ANKRD28: variants seen among roughly 807,000 people sequenced by gnomAD.
ANKRD28 encodes ankyrin repeat domain 28.
In ANKRD28, 44 loss-of-function variants were observed where a neutral mutation model predicts 126.5. The observed-to-expected ratio is 0.35, with a 90% CI of 0.27 to 0.45. ANKRD28 has a LOEUF of 0.45. Among genes scored for constraint, ANKRD28 ranks in the 20% least tolerant of loss-of-function variants. ANKRD28 has a pLI of 1.00. For missense variants in ANKRD28, 1,110 were observed against 1,316.6 expected (o/e 0.84, Z 2.43); for synonymous variants, 442 against 468.5 (o/e 0.94, Z 0.73).
intron 8 of ANKRD28, among the ~76,000 whole-genome samples, chr3:15,718,624 T>C (rs938527675): frequency 6.6e-6 from 1 of 151,780 alleles, no homozygotes; most frequent in Non-Finnish European, 1.5e-5. Flanking sequence ...CATGCCAAAA[T>C]GGCAGTGCAT....
chr3:15,792,035 T>G (rs531426228), intron 2 of ANKRD28, among the ~76,000 whole-genome samples: 1 of 152,290 alleles, frequency 6.6e-6, no homozygotes, highest in African/African-American at 2.4e-5. Context: ...AGATATCATC[T>G]TGTCCCAGTT....
chr3:15,721,803 G>A (rs966352304), intron 7 of ANKRD28, among the ~76,000 whole-genome samples: 8 of 152,192 alleles, frequency 5.3e-5, no homozygotes, highest in African/African-American at 1.9e-4. Context: ...GGAGTTGAGT[G>A]GCACGATCTC....
At chr3:15,819,389 G>A (rs1041804311) in intron 1 of ANKRD28, among the ~76,000 whole-genome samples, 44 of 152,234 alleles carry the variant, frequency 2.9e-4, no homozygotes, top group African/African-American at 1.1e-3. Flanking sequence ...ATAGTCAACT[G>A]ATTTCTGACA....
intron 2 of ANKRD28, among the ~76,000 whole-genome samples, chr3:15,767,700 T>TAAAAAAAA (rs57072807): frequency 1.4e-4 from 9 of 64,364 alleles, no homozygotes; most frequent in African/African-American, 4.6e-4. Context: ...TAGTCTCTAC[T>TAAAAAAAA]AAAAAAAAAA....
intron 6 of ANKRD28, chr3:15,731,865 AAAAAAAAAAGG>A (rs1481004494): frequency 4.8e-5 from 6 of 124,446 alleles, no homozygotes; most frequent in South Asian, 3.4e-4. Flanking sequence ...AAAAAAAAAA[AAAAAAAAAAGG>A]GGGGGGGGGT....
intron 1 of ANKRD28, among the ~76,000 whole-genome samples, chr3:15,848,499 A>G (rs1201664232): frequency 6.6e-6 from 1 of 151,976 alleles, no homozygotes; most frequent in Non-Finnish European, 1.5e-5. Context: ...ACAGAGGGAG[A>G]CCCATCTCTA....
chr3:15,674,843 C>G (rs899393680), intron 27 of ANKRD28, among the ~76,000 whole-genome samples: 4 of 152,268 alleles, frequency 2.6e-5, no homozygotes, highest in South Asian at 2.1e-4. Flanking sequence ...GTGCCAAAAG[C>G]TGATCTATCA....
intron 4 of ANKRD28, among the ~76,000 whole-genome samples, chr3:15,741,047 A>T (rs141269783): frequency 2.6e-4 from 39 of 152,180 alleles, no homozygotes; most frequent in African/African-American, 9.4e-4. Context: ...AAATATACAA[A>T]AATTAGCCAG....
At chr3:15,850,207 AT>A (rs1407998538) in intron 1 of ANKRD28, among the ~76,000 whole-genome samples, 24 of 51,656 alleles carry the variant, frequency 4.6e-4, no homozygotes, top group African/African-American at 1.3e-3. Flanking sequence ...AAAAAAAAAT[AT>A]ATATATATAT....
At position 15,797,616 on chromosome 3, in the gene ANKRD28, T is replaced by C; in HGVS notation, c.-1095A>G. The C allele has an allele frequency of 1.0e-6, 1 of 985,174 alleles. No individual in the cohort carries two copies. The highest frequency in any genetic ancestry group is 1.2e-6 in the Non-Finnish European group (1 of 829,882). 61.0% of individuals were successfully genotyped at this position (985,174 alleles called of 1,614,324 possible). A position where few individuals can be genotyped will look rare whatever the true frequency, so the allele number is the denominator to read the frequency against. On this transcript the variant is annotated 5_prime_UTR_variant, in exon 1 of 28. Coordinates refer to ENST00000683139, the MANE Select transcript of ANKRD28 (RefSeq NM_001349278.2). ...TGTATCATTCCAGTGTTTCCTTTGA[T>C]CTCCACATGAATACAGCTTCCATTA...
At position 15,766,363 on chromosome 3, in the gene ANKRD28, T is replaced by C. The variant is rs191877588; in HGVS notation, c.202-51A>G. 5.2e-3 allele frequency: 7,021 copies of C among 1,350,062 alleles called. 27 individuals carry two copies. Among genetic ancestry groups the C allele is most frequent in the Non-Finnish European group, 6.4e-3 (6,227 of 965,476 alleles). The allele number at this position is 1,350,062 out of a possible 1,614,324, so 83.6% of individuals were successfully genotyped here. A position where few individuals can be genotyped will look rare whatever the true frequency, so the allele number is the denominator to read the frequency against. ...ATAAGTTTTAAAATAAGATTAATTT[T>C]AATAATAGTTTTAATAACCACAACA... is the stretch of plus-strand genomic sequence containing the variant. On this transcript the variant is annotated intron_variant, in intron 2 of 27. Transcript: ENST00000683139.
rs1559379313 is a variant in ANKRD28 at position 15,709,037 on chromosome 3, C to T, written c.1406+631G>A. On this transcript the variant is annotated intron_variant, in intron 13 of 27. Transcript: ENST00000683139. ...CTAATGCACTCTGTGTCAATTCCTA[C>T]TCTAAGTAACTTAACAGTAGTTTTA... 2.6e-5 allele frequency among the ~76,000 whole-genome samples: 4 copies of T among 152,296 alleles called. No individual in the cohort carries two copies. In the South Asian group the frequency reaches 6.2e-4, roughly 24 times the overall value.
chr3:15,782,297 A>G (rs2125700832), intron 2 of ANKRD28, among the ~76,000 whole-genome samples: 1 of 152,278 alleles, frequency 6.6e-6, no homozygotes, highest in South Asian at 2.1e-4. Context: ...AACTTGTTTC[A>G]GTAGCGCAGA....
At chr3:15,706,852 AT>A (rs1553601940) in intron 14 of ANKRD28, among the ~76,000 whole-genome samples, 2 of 152,040 alleles carry the variant, frequency 1.3e-5, no homozygotes, top group Non-Finnish European at 2.9e-5. Flanking sequence ...GATGATGAGC[AT>A]TTTTTCATGT....
upstream of ANKRD28, among the ~76,000 whole-genome samples, chr3:15,802,655 T>A (rs1253466161): frequency 6.6e-6 from 1 of 152,212 alleles, no homozygotes; most frequent in African/African-American, 2.4e-5. Context: ...AATTCATATT[T>A]TCCTGGATAA....
chr3:15,746,605 T>C (rs1319301555), intron 4 of ANKRD28, among the ~76,000 whole-genome samples: 1 of 152,180 alleles, frequency 6.6e-6, no homozygotes, highest in African/African-American at 2.4e-5. Flanking sequence ...TGCTGTTGGA[T>C]TTGGTTTGCC....
At chr3:15,785,076 T>C (rs1575670627) in intron 2 of ANKRD28, among the ~76,000 whole-genome samples, 1 of 152,020 alleles carries the variant, frequency 6.6e-6, no homozygotes, top group Non-Finnish European at 1.5e-5. Flanking sequence ...CCATGGCAGG[T>C]ACCTGTGCCC....
At chr3:15,683,195 T>A (rs1041918994) in intron 21 of ANKRD28, among the ~76,000 whole-genome samples, 4 of 152,132 alleles carry the variant, frequency 2.6e-5, no homozygotes, top group Admixed American at 1.3e-4. Flanking sequence ...AGGGATATAT[T>A]TTTTTAAAAA....
At chr3:15,704,550 T>C (rs1209433875) in intron 14 of ANKRD28, among the ~76,000 whole-genome samples, 2 of 152,144 alleles carry the variant, frequency 1.3e-5, no homozygotes, top group Non-Finnish European at 2.9e-5. Context: ...TACTGAATAA[T>C]AGCAATTGGA....
Sources: allele counts gnomAD v4.1 joint callset (sites outside exome capture counted in the v4.1 genomes callset), GRCh38; gene constraint gnomAD v4.1.1; transcripts MANE v1.5; gene names NCBI Gene and HGNC (gene_info 2026-07-23, HGNC 2026-07-21).